PTPRZ1: variants seen among roughly 807,000 people sequenced by gnomAD.
The protein encoded by PTPRZ1 is protein tyrosine phosphatase receptor type Z1.
Under a neutral mutation model 214.1 loss-of-function variants are expected in PTPRZ1, and 82 were observed. The ratio of observed to expected loss-of-function variants is 0.38; its 90% CI spans 0.32 to 0.46. The LOEUF is 0.46. Among genes scored for constraint, PTPRZ1 ranks in the 20% least tolerant of loss-of-function variants. The pLI is 1.00. For synonymous variants in PTPRZ1, 945 were observed against 987.9 expected, an observed-to-expected ratio of 0.96 and a Z score of 0.81; for missense variants, 2,603 against 2,748.7, an observed-to-expected ratio of 0.95 and a Z score of 1.19.
chr7:121,884,946 G>A (rs993754681), intron 1 of PTPRZ1, among the ~76,000 whole-genome samples: 1 of 152,132 alleles, frequency 6.6e-6, no homozygotes, highest in Non-Finnish European at 1.5e-5. Context: ...AGTATTACGA[G>A]CCTCCTTTGT....
intron 22 of PTPRZ1, among the ~76,000 whole-genome samples, chr7:122,043,588 G>T (rs905590358): frequency 6.6e-6 from 1 of 152,156 alleles, no homozygotes; most frequent in Non-Finnish European, 1.5e-5. Context: ...ACATGGCTGA[G>T]TGGGCTTCAA....
chr7:121,918,041 C>T (rs567411246), intron 1 of PTPRZ1, among the ~76,000 whole-genome samples: 4 of 150,608 alleles, frequency 2.7e-5, no homozygotes, highest in East Asian at 1.9e-4. Context: ...ATTTCTAGAC[C>T]GGCTAAAAAA....
intron 2 of PTPRZ1, among the ~76,000 whole-genome samples, chr7:121,956,045 G>A (rs1213936757): frequency 6.6e-6 from 1 of 151,854 alleles, no homozygotes; most frequent in African/African-American, 2.4e-5. Flanking sequence ...GATGGGGGTG[G>A]TGGGGAGAGA....
At position 122,012,154 on chromosome 7, in the gene PTPRZ1, T is replaced by C. The variant is rs1465854175; in HGVS notation, c.3108T>C (p.Asp1036=). The change falls in exon 12 of 30, where the codon GAT becomes GAC. Residue 1036 remains aspartate, a synonymous_variant. Coordinates refer to ENST00000393386, the MANE Select transcript of PTPRZ1 (RefSeq NM_002851.3). ...EFTYTTSVFG[D]DNKALSKSEI... ...CATATACAACATCTGTGTTTGGTGATGATAATAAGGCGCTTTCTAAAAGTG... is the reference window on the plus strand; with the variant it reads ...CATATACAACATCTGTGTTTGGTGACGATAATAAGGCGCTTTCTAAAAGTG... 3 of 1,613,988 alleles carry C rather than the reference T, an allele frequency of 1.9e-6. No individual in the cohort carries two copies. In the East Asian group the frequency reaches 6.7e-5, roughly 36 times the overall value.
intron 1 of PTPRZ1, among the ~76,000 whole-genome samples, chr7:121,880,312 T>A (rs988517803): frequency 6.6e-6 from 1 of 152,202 alleles, no homozygotes; most frequent in African/African-American, 2.4e-5. Flanking sequence ...AATGTAGTAC[T>A]TGGGTACTTG....
intron 15 of PTPRZ1, among the ~76,000 whole-genome samples, chr7:122,032,801 A>G (rs1799421786): frequency 6.6e-6 from 1 of 152,208 alleles, no homozygotes; most frequent in South Asian, 2.1e-4. Context: ...TCATAGCTAC[A>G]TTGAATAAGA....
intron 4 of PTPRZ1, among the ~76,000 whole-genome samples, chr7:121,974,993 C>T (rs1797384655): frequency 6.6e-6 from 1 of 152,096 alleles, no homozygotes; most frequent in Non-Finnish European, 1.5e-5. Flanking sequence ...TGAGACTAGT[C>T]TGGGCAACAT....
At chr7:122,019,305 A>G in intron 13 of PTPRZ1, 37 bp downstream of exon 13, 1 of 1,572,376 alleles carries the variant, frequency 6.4e-7, no homozygotes, top group South Asian at 1.1e-5. Context: ...TTTAATTCAT[A>G]AAACTCAGAT....
Position 122,012,150 on chromosome 7 carries a change from GTGA to G in PTPRZ1, c.3109_3111del (p.Asp1037del). ...TTTACATATACAACATCTGTGTTTGGTGATGATAATAAGGCGCTTTCTAAAAGT... is the reference window on the plus strand; with the variant it reads ...TTTACATATACAACATCTGTGTTTGGTGATAATAAGGCGCTTTCTAAAAGT... On this transcript the variant is annotated inframe_deletion, in exon 12 of 30. Transcript: ENST00000393386. 1.9e-6 allele frequency: 3 copies of G among 1,613,928 alleles called. No homozygotes were observed. The highest frequency in any genetic ancestry group is 2.5e-6 in the Non-Finnish European group (3 of 1,179,834).
chr7:122,004,489 G>T (rs1798423290), intron 10 of PTPRZ1, 125 bp from the exon 11 acceptor site: 1 of 583,944 alleles, frequency 1.7e-6, no homozygotes, highest in East Asian at 3.4e-5. Flanking sequence ...GAGAAAGTCT[G>T]TATTTTCAAA....
chr7:121,941,889 A>G (rs1437786340), intron 2 of PTPRZ1, among the ~76,000 whole-genome samples: 1 of 152,170 alleles, frequency 6.6e-6, no homozygotes, highest in Non-Finnish European at 1.5e-5. Flanking sequence ...TCTTAGGAAA[A>G]CGGTCATATT....
chr7:121,974,793 T>C (rs1389295737), intron 4 of PTPRZ1, among the ~76,000 whole-genome samples: 1 of 152,142 alleles, frequency 6.6e-6, no homozygotes, highest in East Asian at 1.9e-4. Flanking sequence ...CAGTCTTCTT[T>C]GTTGTTTTAA....
rs559163534 is a variant in PTPRZ1 at position 121,883,410 on chromosome 7, C to T, written c.58+9853C>T. Among the ~76,000 whole-genome samples the T allele has an allele frequency of 4.3e-4, 65 of 152,270 alleles. 1 individual carries two copies. Among genetic ancestry groups the T allele is most frequent in the African/African-American group, 1.5e-3 (61 of 41,572 alleles). On this transcript the variant is annotated intron_variant, in intron 1 of 29. Transcript: ENST00000393386. The stretch of plus-strand genomic sequence containing the variant: ...TTGTATTTGTCATTTTTACAGTGAA[C>T]ACATGTACTATTGGGACATTTCAGC...
intron 6 of PTPRZ1, among the ~76,000 whole-genome samples, chr7:121,978,867 G>A (rs889176301): frequency 1.3e-5 from 2 of 152,062 alleles, no homozygotes; most frequent in Non-Finnish European, 1.5e-5. Flanking sequence ...CATTTTGAGA[G>A]TTCTTGAATT....
chr7:121,979,029 C>G (rs1797524327), intron 6 of PTPRZ1, among the ~76,000 whole-genome samples: 1 of 151,178 alleles, frequency 6.6e-6, no homozygotes, highest in Admixed American at 6.6e-5. Flanking sequence ...ACAGCTAAAT[C>G]CCCAAATTTG....
intron 12 of PTPRZ1, among the ~76,000 whole-genome samples, chr7:122,017,513 C>G (rs371568982): frequency 1.6e-4 from 24 of 151,098 alleles, no homozygotes; most frequent in South Asian, 4.2e-4. Context: ...AGTGTGTGTG[C>G]CATTTATATT....
intron 2 of PTPRZ1, among the ~76,000 whole-genome samples, chr7:121,951,963 ATT>A (rs11310741): frequency 5.7e-4 from 65 of 113,516 alleles, no homozygotes; most frequent in African/African-American, 1.7e-3. Flanking sequence ...TTATTTATTT[ATT>A]TTTTTTTTTT....
At chr7:121,958,575 G>A (rs1015204933) in intron 2 of PTPRZ1, among the ~76,000 whole-genome samples, 17 of 152,104 alleles carry the variant, frequency 1.1e-4, no homozygotes, top group African/African-American at 4.1e-4. Flanking sequence ...ATGTTCCCCA[G>A]ACCAGTGCCT....
chr7:121,878,770 A>T (rs753736249), intron 1 of PTPRZ1, among the ~76,000 whole-genome samples: 1 of 152,296 alleles, frequency 6.6e-6, no homozygotes, highest in East Asian at 1.9e-4. Flanking sequence ...AAATTCATTC[A>T]TTGAAGAATT....
Sources: gnomAD v4.1 joint callset for allele counts (sites outside exome capture counted in the v4.1 genomes callset) on GRCh38, gnomAD v4.1.1 for gene constraint, MANE v1.5 for transcripts, NCBI Gene and HGNC (gene_info 2026-07-23, HGNC 2026-07-21) for gene names.